Variants in SGCZ observed in about 807,000 individuals in gnomAD.
The protein encoded by SGCZ is zeta-sarcoglycan.
A neutral mutation model predicts 41.3 loss-of-function variants in SGCZ; 40 were observed. That is an observed-to-expected ratio of 0.97 (90% CI 0.75 to 1.26). The LOEUF (loss-of-function observed/expected upper bound fraction) is 1.26, where lower values mean the gene tolerates loss of function less well. SGCZ is among the 50% of genes most tolerant of loss of function. The pLI is 0.00. For missense variants in SGCZ, 552 were observed against 369.8 expected (o/e 1.49, Z -4.04); for synonymous variants, 206 against 137.5 (o/e 1.50, Z -3.49).
At chr8:14,159,811 C>T (rs1165480623) in intron 5 of SGCZ, among the ~76,000 whole-genome samples, 2 of 152,098 alleles carry the variant, frequency 1.3e-5, no homozygotes, top group Non-Finnish European at 2.9e-5. Context: ...CTGACCCCAT[C>T]GCAGTGTGCC....
At chr8:14,782,654 G>C (rs1800626243) in intron 1 of SGCZ, among the ~76,000 whole-genome samples, 1 of 143,742 alleles carries the variant, frequency 7.0e-6, no homozygotes, top group Non-Finnish European at 1.6e-5. Context: ...GAAGATAAGG[G>C]TTTTAGATGA....
Position 14,947,366 on chromosome 8 carries a change from C to A in SGCZ, c.39+290219G>T, listed in dbSNP as rs79528173. On this transcript the variant is annotated intron_variant, in intron 1 of 7. Transcript: ENST00000382080. ...GTGAGATCGATTTAGGCTTATAGTG[C>A]ACCAGAGAACATTGATTGGATCTTT... is the stretch of plus-strand genomic sequence containing the variant. Among the ~76,000 whole-genome samples the A allele has an allele frequency of 4.2e-4, 64 of 152,292 alleles. 1 individual carries two copies. In the East Asian group the frequency reaches 0.012, roughly 28 times the overall value.
At chr8:14,746,845 C>T (rs1216059594) in intron 1 of SGCZ, among the ~76,000 whole-genome samples, 1 of 152,022 alleles carries the variant, frequency 6.6e-6, no homozygotes, top group South Asian at 2.1e-4. Flanking sequence ...TGTATACAGA[C>T]GTAATGTTTT....
intron 1 of SGCZ, among the ~76,000 whole-genome samples, chr8:14,862,537 T>TAG (rs1563322590): frequency 1.9e-3 from 6 of 3,240 alleles, no homozygotes; most frequent in South Asian, 0.01. Flanking sequence ...ATCTTTAAGA[T>TAG]ATATATATAT....
chr8:14,343,604 T>C (rs1345051497), intron 2 of SGCZ, among the ~76,000 whole-genome samples: 1 of 152,180 alleles, frequency 6.6e-6, no homozygotes, highest in Admixed American at 6.5e-5. Context: ...AATTAAATAC[T>C]AGTGCTCAGT....
At chr8:15,132,714 G>A (rs1807957487) in intron 1 of SGCZ, among the ~76,000 whole-genome samples, 1 of 152,134 alleles carries the variant, frequency 6.6e-6, no homozygotes, top group South Asian at 2.1e-4. Context: ...TACATTTTTG[G>A]TAGCTTGAGA....
At chr8:14,634,738 C>A (rs1806772815) in intron 1 of SGCZ, among the ~76,000 whole-genome samples, 2 of 151,854 alleles carry the variant, frequency 1.3e-5, no homozygotes, top group East Asian at 1.9e-4. Flanking sequence ...ATTCCATAAA[C>A]TTTTCCTGAC....
chr8:14,468,485 G>A (rs756937780), intron 2 of SGCZ, among the ~76,000 whole-genome samples: 1 of 151,994 alleles, frequency 6.6e-6, no homozygotes, highest in Non-Finnish European at 1.5e-5. Context: ...GCTTATAGCT[G>A]TTTCATACAT....
intron 1 of SGCZ, among the ~76,000 whole-genome samples, chr8:14,790,227 T>G (rs1211695448): frequency 6.6e-6 from 1 of 152,180 alleles, no homozygotes; most frequent in Non-Finnish European, 1.5e-5. Context: ...TTACACGACA[T>G]AGATACCAAA....
intron 2 of SGCZ, among the ~76,000 whole-genome samples, chr8:14,395,958 G>T (rs1026631662): frequency 2.0e-5 from 3 of 152,316 alleles, no homozygotes; most frequent in Non-Finnish European, 4.4e-5. Flanking sequence ...ATCAAACTAA[G>T]AGTTAAAGTG....
At chr8:14,999,693 C>T (rs1201709575) in intron 1 of SGCZ, among the ~76,000 whole-genome samples, 1 of 152,158 alleles carries the variant, frequency 6.6e-6, no homozygotes, top group Non-Finnish European at 1.5e-5. Context: ...TACTCCGGAG[C>T]TTCTTCATAG....
chr8:15,151,293 C>T (rs1462665179), intron 1 of SGCZ, among the ~76,000 whole-genome samples: 1 of 152,222 alleles, frequency 6.6e-6, no homozygotes, highest in Non-Finnish European at 1.5e-5. Flanking sequence ...TCTATCCCCA[C>T]TAAGCTACTT....
intron 1 of SGCZ, among the ~76,000 whole-genome samples, chr8:15,207,085 G>A (rs1315559651): frequency 1.3e-5 from 2 of 152,178 alleles, no homozygotes; most frequent in Admixed American, 1.3e-4. Flanking sequence ...AAAGGCAGTT[G>A]CTAGGTTCAA....
rs574208682 is a variant in SGCZ, at chr8:15,096,050, G to A, written c.39+141535C>T. 5.9e-5 allele frequency among the ~76,000 whole-genome samples: 9 copies of A among 152,008 alleles called. No individual in the cohort carries two copies. In the East Asian group the frequency reaches 1.5e-3, roughly 26 times the overall value. On this transcript the variant is annotated intron_variant, in intron 1 of 7. Transcript: ENST00000382080. Reference sequence around the variant, plus strand: ...AAACTGTGCCTTATTTAATCCATACGAGAAGTAGTTTCTTTTTTATTTTTA... The same window carrying A: ...AAACTGTGCCTTATTTAATCCATACAAGAAGTAGTTTCTTTTTTATTTTTA...
At chr8:14,948,110 ATTCTT>A (rs1800512953) in intron 1 of SGCZ, among the ~76,000 whole-genome samples, 1 of 152,202 alleles carries the variant, frequency 6.6e-6, no homozygotes, top group Non-Finnish European at 1.5e-5. Context: ...GACTGGTACT[ATTCTT>A]TTCTTTAAGC....
intron 2 of SGCZ, among the ~76,000 whole-genome samples, chr8:14,348,827 T>G (rs559622310): frequency 6.6e-6 from 1 of 152,278 alleles, no homozygotes; most frequent in Non-Finnish European, 1.5e-5. Context: ...CCAAATACAT[T>G]AAATACAAAC....
At chr8:15,174,133 T>A (rs956910236) in intron 1 of SGCZ, among the ~76,000 whole-genome samples, 2 of 152,176 alleles carry the variant, frequency 1.3e-5, no homozygotes, top group Non-Finnish European at 2.9e-5. Context: ...GTTCAAAACA[T>A]CATGGGAATG....
At chr8:14,762,700 G>T (rs1187778986) in intron 1 of SGCZ, among the ~76,000 whole-genome samples, 3 of 152,070 alleles carry the variant, frequency 2.0e-5, no homozygotes, top group Non-Finnish European at 4.4e-5. Flanking sequence ...TCTTTTTTCT[G>T]TCTTCTACAG....
At chr8:15,003,890 G>T (rs906855388) in intron 1 of SGCZ, among the ~76,000 whole-genome samples, 2 of 152,100 alleles carry the variant, frequency 1.3e-5, no homozygotes, top group Non-Finnish European at 2.9e-5. Context: ...CCCTACCGGG[G>T]TCAAGTCCTT....
Sources: allele counts gnomAD v4.1 joint callset (sites outside exome capture counted in the v4.1 genomes callset), GRCh38; gene constraint gnomAD v4.1.1; transcripts MANE v1.5; gene names NCBI Gene and HGNC (gene_info 2026-07-23, HGNC 2026-07-21).